Variants in PCDH7 observed in about 807,000 individuals in gnomAD.
The protein encoded by PCDH7 is protocadherin 7.
In PCDH7, 17 loss-of-function variants were observed where a neutral mutation model predicts 58.9. The observed-to-expected ratio is 0.29, with a 90% CI of 0.20 to 0.43. The LOEUF is 0.43. Among genes scored for constraint, PCDH7 ranks in the 20% least tolerant of loss-of-function variants. The pLI is 1.00. For missense variants in PCDH7, 1,274 were observed against 1,441.0 expected (o/e 0.88, Z 1.88); for synonymous variants, 664 against 616.4 (o/e 1.08, Z -1.14).
chr4:30,965,572 A>C (rs1748922139), intron 3 of PCDH7, among the ~76,000 whole-genome samples: 1 of 152,140 alleles, frequency 6.6e-6, no homozygotes, highest in South Asian at 2.1e-4. Flanking sequence ...CAAGCAAAGC[A>C]AAAGATTTTA....
chr4:31,068,112 G>A (rs894714147), intron 3 of PCDH7, among the ~76,000 whole-genome samples: 2 of 151,716 alleles, frequency 1.3e-5, no homozygotes, highest in African/African-American at 4.8e-5. Flanking sequence ...GTTTTCTTAC[G>A]GGCAAATTGG....
At chr4:30,842,227 C>T (rs1333804141) in intron 1 of PCDH7, among the ~76,000 whole-genome samples, 1 of 152,022 alleles carries the variant, frequency 6.6e-6, no homozygotes, top group Admixed American at 6.6e-5. Context: ...TTATATGGTG[C>T]TCTGTATATG....
intron 1 of PCDH7, among the ~76,000 whole-genome samples, chr4:30,813,308 G>GT (rs1236474927): frequency 1.3e-5 from 2 of 152,158 alleles, no homozygotes; most frequent in African/African-American, 4.8e-5. Flanking sequence ...AAAGGCATTA[G>GT]TAAAAAGTGA....
intron 1 of PCDH7, among the ~76,000 whole-genome samples, chr4:30,808,921 T>C (rs2109311930): frequency 6.6e-6 from 1 of 152,308 alleles, no homozygotes; most frequent in South Asian, 2.1e-4. Flanking sequence ...TTGCTACTAT[T>C]TGTAACCCAC....
At chr4:30,854,287 G>C (rs535414814) in intron 1 of PCDH7, among the ~76,000 whole-genome samples, 11 of 147,688 alleles carry the variant, frequency 7.4e-5, no homozygotes, top group African/African-American at 2.8e-4. Flanking sequence ...CTGCATCCCT[G>C]GCCCTACATA....
chr4:31,108,641 AT>A (rs1365550048), intron 3 of PCDH7, among the ~76,000 whole-genome samples: 1 of 152,142 alleles, frequency 6.6e-6, no homozygotes, highest in East Asian at 1.9e-4. Context: ...GGGGGAGAAA[AT>A]TAATTGTAAG....
chr4:30,903,616 T>C (rs1022626674), intron 1 of PCDH7, among the ~76,000 whole-genome samples: 1 of 152,114 alleles, frequency 6.6e-6, no homozygotes, highest in Non-Finnish European at 1.5e-5. Context: ...ATGGAAAGAT[T>C]ATCCTTTATA....
At chr4:31,043,176 A>G (rs1560598428) in intron 3 of PCDH7, among the ~76,000 whole-genome samples, 1 of 152,138 alleles carries the variant, frequency 6.6e-6, no homozygotes, top group Non-Finnish European at 1.5e-5. Flanking sequence ...AAGTTTCAAC[A>G]TGAGTTCTGG....
At chr4:30,800,186 A>G (rs2109305625) in intron 1 of PCDH7, among the ~76,000 whole-genome samples, 2 of 152,172 alleles carry the variant, frequency 1.3e-5, no homozygotes, top group South Asian at 4.1e-4. Context: ...TGATATCATA[A>G]GTAAAGTATA....
intron 3 of PCDH7, among the ~76,000 whole-genome samples, chr4:30,964,443 G>A (rs1467761127): frequency 1.3e-5 from 2 of 151,702 alleles, no homozygotes; most frequent in African/African-American, 4.8e-5. Flanking sequence ...GGGTTTCACC[G>A]TGTTAGCCAG....
At chr4:30,970,965 C>T (rs539049796) in intron 3 of PCDH7, among the ~76,000 whole-genome samples, 5 of 152,204 alleles carry the variant, frequency 3.3e-5, no homozygotes, top group Admixed American at 1.3e-4. Context: ...AATGATTTTG[C>T]AGTTTAGCAA....
intron 3 of PCDH7, among the ~76,000 whole-genome samples, chr4:31,111,327 A>G (rs1447682792): frequency 7.0e-6 from 1 of 143,806 alleles, no homozygotes; most frequent in Non-Finnish European, 1.5e-5. Context: ...TTTTTTCCTG[A>G]GGCGGAGTCT....
intron 3 of PCDH7, among the ~76,000 whole-genome samples, chr4:30,974,109 T>G (rs1201236470): frequency 6.6e-6 from 1 of 152,064 alleles, no homozygotes; most frequent in African/African-American, 2.4e-5. Context: ...ATGAATTCAG[T>G]TGTCAGTAGT....
rs569307303 is a variant in PCDH7 at position 30,932,839 on chromosome 4, A to C, written c.287+12470A>C. Among the ~76,000 whole-genome samples, 3 of 152,252 alleles carry C rather than the reference A, an allele frequency of 2.0e-5. No homozygotes were observed. The South Asian group carries it at 6.2e-4, about 32-fold the overall frequency. On this transcript the variant is annotated intron_variant, in intron 2 of 3. Coordinates refer to the PCDH7 transcript ENST00000509759. ...GTCTCGACAATATTACAAGATCCTA[A>C]TGTCAAACTGTAACAACGGTTTATT...
chr4:31,062,591 C>T (rs899687797), intron 3 of PCDH7, among the ~76,000 whole-genome samples: 9 of 151,720 alleles, frequency 5.9e-5, no homozygotes, highest in African/African-American at 2.2e-4. Flanking sequence ...ATTTCATAAA[C>T]TTAGTCTTCA....
chr4:31,109,528 T>C (rs1347104102), intron 3 of PCDH7, among the ~76,000 whole-genome samples: 1 of 152,234 alleles, frequency 6.6e-6, no homozygotes, highest in Admixed American at 6.5e-5. Context: ...AAAATTACTG[T>C]AATGAATAGT....
At chr4:31,069,889 G>A (rs542041730) in intron 3 of PCDH7, among the ~76,000 whole-genome samples, 15 of 95,758 alleles carry the variant, frequency 1.6e-4, no homozygotes, top group African/African-American at 5.9e-4. Flanking sequence ...TCATTTGATG[G>A]TTCTCTCAAC....
chr4:30,915,997 C>G (rs1356287948), intron 1 of PCDH7, among the ~76,000 whole-genome samples: 1 of 152,200 alleles, frequency 6.6e-6, no homozygotes, highest in Non-Finnish European at 1.5e-5. Flanking sequence ...TTTATGCCTC[C>G]ATTTTGCTGG....
chr4:30,786,812 G>A, intron 1 of PCDH7: 1 of 927,200 alleles, frequency 1.1e-6, no homozygotes, highest in Non-Finnish European at 1.3e-6. Flanking sequence ...TGAAATATAT[G>A]CAGTGTTCCA....
Sources: allele counts gnomAD v4.1 joint callset (sites outside exome capture counted in the v4.1 genomes callset), GRCh38; gene constraint gnomAD v4.1.1; transcripts MANE v1.5; gene names NCBI Gene and HGNC (gene_info 2026-07-23, HGNC 2026-07-21).